PPP1R21: variants seen among roughly 807,000 people sequenced by gnomAD.
PPP1R21 encodes protein phosphatase 1 regulatory subunit 21, also known as KLRAQ motif containing 1.
In PPP1R21, 85 loss-of-function variants were observed where a neutral mutation model predicts 112.8. That is an observed-to-expected ratio of 0.75 (90% confidence interval 0.63 to 0.90). The LOEUF (loss-of-function observed/expected upper bound fraction) is 0.90, where lower values mean the gene tolerates loss of function less well. Among genes scored for constraint, PPP1R21 ranks in the 40% least tolerant of loss-of-function variants. PPP1R21 has a pLI of 0.00. For missense variants in PPP1R21, 1,199 were observed against 901.5 expected (o/e 1.33, Z -4.23); for synonymous variants, 381 against 322.3 (o/e 1.18, Z -1.95).
chr2:48,459,505 A>G (rs1185085884), intron 4 of PPP1R21, among the ~76,000 whole-genome samples: 1 of 152,126 alleles, frequency 6.6e-6, no homozygotes, highest in Non-Finnish European at 1.5e-5. Flanking sequence ...GTTCTACTAT[A>G]TTTTAGCTGT....
At chr2:48,461,343 A>T in intron 7 of PPP1R21, 111 bp downstream of exon 7, 1 of 1,340,788 alleles carries the variant, frequency 7.5e-7, no homozygotes, top group Admixed American at 4.1e-5. Context: ...TTGGCCCCAC[A>T]GAAGATTGCT....
chr2:48,452,465 T>C (rs113272152), intron 2 of PPP1R21, among the ~76,000 whole-genome samples: 3 of 152,052 alleles, frequency 2.0e-5, no homozygotes, highest in African/African-American at 7.2e-5. Flanking sequence ...TAATGATTGG[T>C]TAATGGAGTT....
At chr2:48,481,768 G>A (rs1669024097) in intron 13 of PPP1R21, among the ~76,000 whole-genome samples, 1 of 152,096 alleles carries the variant, frequency 6.6e-6, no homozygotes, top group Admixed American at 6.6e-5. Flanking sequence ...AATACAGGTT[G>A]AGCATTCTTA....
At chr2:48,505,087 C>T (rs139233379) in intron 17 of PPP1R21, among the ~76,000 whole-genome samples, 26 of 152,292 alleles carry the variant, frequency 1.7e-4, no homozygotes, top group Admixed American at 8.5e-4. Flanking sequence ...GAAATTTATG[C>T]TTACTCATGT....
At chr2:48,467,423 AT>A (rs1451567855) in intron 9 of PPP1R21, among the ~76,000 whole-genome samples, 3 of 152,204 alleles carry the variant, frequency 2.0e-5, no homozygotes, top group Non-Finnish European at 4.4e-5. Flanking sequence ...AACAACAAAC[AT>A]TTACTATCTC....
chr2:48,512,712 A>G (rs1004134529), intron 21 of PPP1R21, among the ~76,000 whole-genome samples: 1 of 152,098 alleles, frequency 6.6e-6, no homozygotes, highest in South Asian at 2.1e-4. Flanking sequence ...GCTGTCTCTG[A>G]TGCTTTTCTG....
chr2:48,450,275 A>C (rs137961910), intron 1 of PPP1R21, among the ~76,000 whole-genome samples: 11 of 152,310 alleles, frequency 7.2e-5, no homozygotes, highest in African/African-American at 2.6e-4. Flanking sequence ...ATTGCTACTT[A>C]ACTTCTCTGT....
At chr2:48,492,722 G>A (rs376738669) in intron 15 of PPP1R21, among the ~76,000 whole-genome samples, 19 of 152,246 alleles carry the variant, frequency 1.2e-4, no homozygotes, top group East Asian at 1.2e-3. Flanking sequence ...TACTTCCCAC[G>A]GTATAAAAGC....
intron 1 of PPP1R21, among the ~76,000 whole-genome samples, chr2:48,444,356 G>A (rs1270884899): frequency 6.6e-6 from 1 of 152,176 alleles, no homozygotes; most frequent in East Asian, 1.9e-4. Context: ...TCCTTGAGAT[G>A]TGAGGGAAAG....
In PPP1R21 at chr2:48,491,117, T is replaced by C. The variant is rs779394441; in HGVS notation, c.1546T>C (p.Cys516Arg). The C allele has an allele frequency of 2.5e-6, 4 of 1,614,210 alleles. No homozygotes were observed. The South Asian group carries it at 4.4e-5, about 18-fold the overall frequency. Residue 516 changes from cysteine to arginine, a missense_variant, in exon 15 of 22, where the codon TGC becomes CGC. Cys to Arg is a radical substitution (Grantham distance 180). Coordinates refer to ENST00000294952, the MANE Select transcript of PPP1R21 (RefSeq NM_001135629.3). ...ATTCATTAGTCCTCTTTCAGCTGAATGCATGCTACAGTATAAGAAAAAAGC... is the reference window on the plus strand; with the variant it reads ...ATTCATTAGTCCTCTTTCAGCTGAACGCATGCTACAGTATAAGAAAAAAGC... ...SGFISPLSAE[C>R]MLQYKKKAAA...
At chr2:48,466,077 A>T (rs762221440) in intron 9 of PPP1R21, among the ~76,000 whole-genome samples, 4 of 152,224 alleles carry the variant, frequency 2.6e-5, no homozygotes, top group African/African-American at 4.8e-5. Context: ...CACTATTGTG[A>T]GAACAGCACG....
chr2:48,487,633 C>A (rs1349353271), intron 14 of PPP1R21, among the ~76,000 whole-genome samples: 1 of 151,590 alleles, frequency 6.6e-6, no homozygotes, highest in South Asian at 2.1e-4. Flanking sequence ...TGGTGATGTG[C>A]GTCTGTGGTC....
intron 17 of PPP1R21, among the ~76,000 whole-genome samples, chr2:48,500,286 T>TA (rs1239744851): frequency 2.6e-5 from 4 of 152,130 alleles, no homozygotes; most frequent in African/African-American, 4.8e-5. Context: ...GTCTGCAACT[T>TA]ACGCTCACAT....
intron 12 of PPP1R21, among the ~76,000 whole-genome samples, chr2:48,478,768 G>A (rs1236805261): frequency 6.6e-6 from 1 of 152,020 alleles, no homozygotes; most frequent in Non-Finnish European, 1.5e-5. Context: ...AACTTATATC[G>A]CTAATCTACC....
intron 14 of PPP1R21, among the ~76,000 whole-genome samples, chr2:48,487,633 C>T (rs1349353271): frequency 2.0e-5 from 3 of 151,590 alleles, no homozygotes; most frequent in Admixed American, 6.6e-5. Flanking sequence ...TGGTGATGTG[C>T]GTCTGTGGTC....
At chr2:48,495,264 C>T (rs1243997642) in intron 15 of PPP1R21, among the ~76,000 whole-genome samples, 1 of 151,704 alleles carries the variant, frequency 6.6e-6, no homozygotes, top group African/African-American at 2.4e-5. Context: ...AGTGCAATGG[C>T]ACAATCTCTG....
In PPP1R21 at chr2:48,514,766, A is replaced by G. The variant is rs745476804; in HGVS notation, c.*22A>G. ...ATAGTTTTGAAATAGCTGGTTGGCG[A>G]CTGTTCTTTCCAGACCTGCTCCTGC... On this transcript the variant is annotated 3_prime_UTR_variant, in exon 22 of 22. Coordinates refer to ENST00000294952, the MANE Select transcript of PPP1R21 (RefSeq NM_001135629.3). 1 of 1,612,974 alleles carries G rather than the reference A, an allele frequency of 6.2e-7. No homozygotes were observed. The highest frequency in any genetic ancestry group is 8.5e-7 in the Non-Finnish European group (1 of 1,179,564).
chr2:48,477,284 A>G (rs183508311), intron 12 of PPP1R21, among the ~76,000 whole-genome samples: 10 of 151,924 alleles, frequency 6.6e-5, no homozygotes, highest in African/African-American at 2.2e-4. Context: ...GCACTTGGCT[A>G]ATTTTTGCAT....
At chr2:48,454,883 A>G (rs1200696142) in intron 3 of PPP1R21, 142 bp downstream of exon 3, 1 of 665,504 alleles carries the variant, frequency 1.5e-6, no homozygotes. Context: ...TCTGCCACCC[A>G]TGCTGGAGTG....
Sources: allele counts gnomAD v4.1 joint callset (sites outside exome capture counted in the v4.1 genomes callset), GRCh38; gene constraint gnomAD v4.1.1; transcripts MANE v1.5; gene names NCBI Gene and HGNC (gene_info 2026-07-23, HGNC 2026-07-21).